Variants in BABAM2 observed in about 807,000 individuals in gnomAD.
BABAM2 encodes the protein BRISC and BRCA1-A complex member 2.
Under a neutral mutation model 54.7 loss-of-function variants are expected in BABAM2, and 31 were observed. That is an observed-to-expected ratio of 0.57 (90% confidence interval 0.43 to 0.77). The LOEUF (loss-of-function observed/expected upper bound fraction) is 0.77, where lower values mean the gene tolerates loss of function less well. Ranked by LOEUF, BABAM2 falls within the 30% of genes least tolerant of loss-of-function variation. The pLI, the probability that BABAM2 is intolerant of heterozygous loss-of-function variation, is 0.00. For synonymous variants in BABAM2, 167 were observed against 162.9 expected, an observed-to-expected ratio of 1.03 and a Z score of -0.19; for missense variants, 364 against 455.8, an observed-to-expected ratio of 0.80 and a Z score of 1.83.
chr2:27,987,653 AAAAATACAAAAATTATCTGGGCATGGT>A (rs1438739837), intron 3 of BABAM2, among the ~76,000 whole-genome samples: 1 of 151,900 alleles, frequency 6.6e-6, no homozygotes, highest in East Asian at 1.9e-4. Context: ...CATCTCTAAT[AAAAATACAAAAATTATCTGGGCATGGT>A]GACATGTTCC....
chr2:28,265,807 T>C (rs1481093345), intron 10 of BABAM2, among the ~76,000 whole-genome samples: 4 of 152,106 alleles, frequency 2.6e-5, no homozygotes, highest in Non-Finnish European at 4.4e-5. Context: ...ATTTTTTAAT[T>C]TTATTGTTTG....
intron 5 of BABAM2, among the ~76,000 whole-genome samples, chr2:28,033,555 G>A (rs971310853): frequency 1.3e-5 from 2 of 152,010 alleles, no homozygotes; most frequent in African/African-American, 2.4e-5. Context: ...TTGTAAAGCC[G>A]CCAGTTCCCC....
At chr2:28,116,746 A>G (rs1668647920) in intron 6 of BABAM2, among the ~76,000 whole-genome samples, 1 of 152,234 alleles carries the variant, frequency 6.6e-6, no homozygotes, top group Non-Finnish European at 1.5e-5. Context: ...AAACTAACTT[A>G]TTGAGCACCT....
intron 4 of BABAM2, among the ~76,000 whole-genome samples, chr2:27,990,214 TC>T (rs1487869242): frequency 6.6e-6 from 1 of 152,120 alleles, no homozygotes; most frequent in African/African-American, 2.4e-5. Flanking sequence ...GAGCATACCC[TC>T]CACTAGTTGG....
intron 2 of BABAM2, among the ~76,000 whole-genome samples, chr2:27,912,981 G>C (rs1331908237): frequency 1.3e-5 from 2 of 152,114 alleles, no homozygotes; most frequent in Non-Finnish European, 2.9e-5. Context: ...TGAATAGGGA[G>C]ATTAGAAGAC....
chr2:28,026,895 TAAATATATATAAATATATA>T (rs1675822188), intron 5 of BABAM2, among the ~76,000 whole-genome samples: 1 of 29,246 alleles, frequency 3.4e-5, no homozygotes, highest in African/African-American at 1.1e-4. Context: ...TAGATATATA[TAAATATATATAAATATATA>T]TTAATATATA....
At chr2:27,957,079 C>G (rs1340678164) in intron 3 of BABAM2, among the ~76,000 whole-genome samples, 1 of 152,142 alleles carries the variant, frequency 6.6e-6, no homozygotes, top group African/African-American at 2.4e-5. Flanking sequence ...CTTTGGTCAT[C>G]CCAGTGTAGA....
chr2:28,336,404 G>A (rs1691472026), intron 11 of BABAM2, among the ~76,000 whole-genome samples: 1 of 152,136 alleles, frequency 6.6e-6, no homozygotes, highest in Non-Finnish European at 1.5e-5. Flanking sequence ...GAGTTACAGA[G>A]TGACAGGTAG....
At chr2:28,285,099 T>A (rs781250339) in intron 10 of BABAM2, among the ~76,000 whole-genome samples, 1 of 152,150 alleles carries the variant, frequency 6.6e-6, no homozygotes, top group Non-Finnish European at 1.5e-5. Flanking sequence ...CAGTATGCCA[T>A]CCCTCCCATC....
At chr2:27,915,220 T>A (rs1666877718) in intron 2 of BABAM2, among the ~76,000 whole-genome samples, 1 of 152,120 alleles carries the variant, frequency 6.6e-6, no homozygotes, top group Non-Finnish European at 1.5e-5. Context: ...GCTCAGAAAA[T>A]TATTGCCCCA....
At chr2:28,067,638 A>C (rs1286744261) in intron 6 of BABAM2, among the ~76,000 whole-genome samples, 1 of 152,260 alleles carries the variant, frequency 6.6e-6, no homozygotes, top group Non-Finnish European at 1.5e-5. Context: ...GGATTTCATC[A>C]GTACACATTA....
At chr2:28,210,545 C>G (rs1679351604) in intron 7 of BABAM2, among the ~76,000 whole-genome samples, 1 of 152,148 alleles carries the variant, frequency 6.6e-6, no homozygotes, top group South Asian at 2.1e-4. Context: ...ATTTCACCTT[C>G]ACAACTCAAG....
At chr2:28,009,553 A>T (rs1325217778) in intron 4 of BABAM2, among the ~76,000 whole-genome samples, 1 of 152,116 alleles carries the variant, frequency 6.6e-6, no homozygotes, top group African/African-American at 2.4e-5. Flanking sequence ...TGGAGAGAGT[A>T]TGTCTTCATG....
intron 7 of BABAM2, among the ~76,000 whole-genome samples, chr2:28,196,022 A>G (rs931788146): frequency 2.6e-5 from 4 of 152,222 alleles, no homozygotes; most frequent in African/African-American, 9.7e-5. Flanking sequence ...ACAGTGTACA[A>G]TGAACTCAAA....
chr2:28,322,000 T>C (rs1347729483), intron 11 of BABAM2, among the ~76,000 whole-genome samples: 2 of 151,772 alleles, frequency 1.3e-5, no homozygotes, highest in Non-Finnish European at 2.9e-5. Context: ...AACAAGTCCC[T>C]GCAATTGACA....
At chr2:27,899,112 G>T (rs1419689165) in intron 2 of BABAM2, among the ~76,000 whole-genome samples, 4 of 151,370 alleles carry the variant, frequency 2.6e-5, no homozygotes, top group Non-Finnish European at 4.4e-5. Flanking sequence ...CAAAAATAAA[G>T]AAAAAAAATA....
At chr2:27,985,519 T>G (rs540829285) in intron 3 of BABAM2, among the ~76,000 whole-genome samples, 1 of 152,308 alleles carries the variant, frequency 6.6e-6, no homozygotes, top group East Asian at 1.9e-4. Flanking sequence ...TATGCCTTAT[T>G]CTTCACTGAA....
chr2:28,270,098 T>C lies in BABAM2; in HGVS notation c.934+25236T>C, dbSNP rs372281212. 2.0e-5 allele frequency among the ~76,000 whole-genome samples: 3 copies of C among 152,188 alleles called. No homozygotes were observed. In the East Asian group the frequency reaches 5.8e-4, roughly 29 times the overall value. On this transcript the variant is annotated intron_variant, in intron 10 of 11. Transcript: ENST00000379624. ...TGGGCCAAACACTGTATCAGGTACT[T>C]GAATAAGATATGGTCCCTCCCTCAT...
chr2:28,144,308 G>C (rs1241649561), intron 7 of BABAM2, among the ~76,000 whole-genome samples: 1 of 152,060 alleles, frequency 6.6e-6, no homozygotes, highest in Non-Finnish European at 1.5e-5. Context: ...ATTCCCTCTA[G>C]ATACTGTGCA....
Sources: allele counts gnomAD v4.1 joint callset (sites outside exome capture counted in the v4.1 genomes callset), GRCh38; gene constraint gnomAD v4.1.1; transcripts MANE v1.5; gene names NCBI Gene and HGNC (gene_info 2026-07-23, HGNC 2026-07-21).